PTPRN2: variants seen among roughly 807,000 people sequenced by gnomAD.
PTPRN2 encodes the protein receptor-type tyrosine-protein phosphatase N2.
A neutral mutation model predicts 118.8 loss-of-function variants in PTPRN2; 74 were observed. The ratio of observed to expected loss-of-function variants is 0.62; its 90% CI spans 0.52 to 0.76. PTPRN2 has a LOEUF of 0.76. Ranked by LOEUF, PTPRN2 falls within the 30% of genes least tolerant of loss-of-function variation. The probability of loss-of-function intolerance (pLI) is 0.00; values close to 1 mark genes in which losing one functional copy is unlikely to be tolerated. For synonymous variants in PTPRN2, 641 were observed against 608.0 expected (o/e 1.05, Z -0.80); for missense variants, 1,481 against 1,394.4 (o/e 1.06, Z -0.99).
intron 2 of PTPRN2, among the ~76,000 whole-genome samples, chr7:158,350,841 C>G (rs1458075113): frequency 6.6e-6 from 1 of 152,182 alleles, no homozygotes; most frequent in Admixed American, 6.5e-5. Context: ...AACAAAATGC[C>G]AAAGGCAGAA....
At chr7:158,505,718 G>A (rs1485585276) in intron 1 of PTPRN2, among the ~76,000 whole-genome samples, 9 of 147,510 alleles carry the variant, frequency 6.1e-5, no homozygotes, top group East Asian at 4.1e-4. Flanking sequence ...CGGAGGAGCC[G>A]GGGTGGGAGG....
rs10274336 is a variant in PTPRN2, at chr7:157,726,107, A to G, written c.1789-43170T>C. On this transcript the variant is annotated intron_variant, in intron 12 of 22. Transcript: ENST00000389418. Reference sequence around the variant, plus strand: ...GTGGCCAGACCCTCACCTCCCAGGAAAACTGGATATCCACATGCAGAGGAA... The same window carrying G: ...GTGGCCAGACCCTCACCTCCCAGGAGAACTGGATATCCACATGCAGAGGAA... Among the ~76,000 whole-genome samples the G allele has an allele frequency of 2.5e-3, 120 of 47,430 alleles. 5 individuals are homozygous for G. Among genetic ancestry groups the G allele is most frequent in the African/African-American group, 3.2e-3 (29 of 8,926 alleles). The allele number at this position is 47,430 out of a possible 152,430, so 31.1% of individuals were successfully genotyped here.
intron 2 of PTPRN2, among the ~76,000 whole-genome samples, chr7:158,347,841 T>A (rs954907879): frequency 6.6e-6 from 1 of 152,246 alleles, no homozygotes; most frequent in Non-Finnish European, 1.5e-5. Context: ...TTCCTATCTA[T>A]TGCAGTCACA....
intron 6 of PTPRN2, among the ~76,000 whole-genome samples, chr7:158,150,367 C>A (rs1340401789): frequency 1.3e-5 from 2 of 152,218 alleles, no homozygotes; most frequent in East Asian, 3.8e-4. Flanking sequence ...CAAGGGTGTA[C>A]CCCAGTCTCC....
chr7:158,005,214 A>C (rs1805555280), intron 11 of PTPRN2, among the ~76,000 whole-genome samples: 1 of 151,986 alleles, frequency 6.6e-6, no homozygotes, highest in South Asian at 2.1e-4. Flanking sequence ...AGCTGGGATT[A>C]CAGGCGTGAG....
chr7:158,071,140 C>T (rs868091543), intron 11 of PTPRN2, among the ~76,000 whole-genome samples: 3 of 39,264 alleles, frequency 7.6e-5, no homozygotes, highest in African/African-American at 3.3e-4. Context: ...TGGAGGTGCT[C>T]GTGGTGGTGG....
intron 3 of PTPRN2, among the ~76,000 whole-genome samples, chr7:158,249,197 C>T (rs956336854): frequency 6.6e-6 from 1 of 152,154 alleles, no homozygotes; most frequent in Non-Finnish European, 1.5e-5. Flanking sequence ...ACACACATCA[C>T]ACACATGCAC....
At chr7:158,470,655 A>G (rs1819786145) in intron 2 of PTPRN2, among the ~76,000 whole-genome samples, 1 of 152,188 alleles carries the variant, frequency 6.6e-6, no homozygotes. Context: ...CCTTCTCTCT[A>G]CTGCACTTGA....
At chr7:158,564,040 G>C (rs569987241) in intron 1 of PTPRN2, among the ~76,000 whole-genome samples, 1 of 152,184 alleles carries the variant, frequency 6.6e-6, no homozygotes, top group South Asian at 2.1e-4. Flanking sequence ...ACAAAGAAAG[G>C]GCTAGGGCAG....
At chr7:158,369,590 A>G (rs1248986381) in intron 2 of PTPRN2, among the ~76,000 whole-genome samples, 2 of 152,176 alleles carry the variant, frequency 1.3e-5, no homozygotes, top group Non-Finnish European at 2.9e-5. Flanking sequence ...TCATTCACCA[A>G]TCTGTTTATT....
chr7:157,861,272 G>C lies in PTPRN2; in HGVS notation c.1788+37401C>G, dbSNP rs911975457. Among the ~76,000 whole-genome samples, 1 of 152,238 alleles carries C rather than the reference G, an allele frequency of 6.6e-6. No homozygotes were observed. Among genetic ancestry groups the C allele is most frequent in the African/African-American group, 2.4e-5 (1 of 41,464 alleles). On this transcript the variant is annotated intron_variant, in intron 12 of 22. Coordinates refer to ENST00000389418, the MANE Select transcript of PTPRN2 (RefSeq NM_002847.5). The surrounding 1 kb of genome is among the most constrained non-coding windows in gnomAD (Gnocchi z 5.8). ...GTGAAGTCTATACAATAATGGAACC[G>C]AAGCCCTCTGTGGGGAATCCGTGGG...
intron 11 of PTPRN2, among the ~76,000 whole-genome samples, chr7:157,936,832 G>A (rs937046103): frequency 2.6e-5 from 4 of 152,258 alleles, no homozygotes; most frequent in South Asian, 2.1e-4. Context: ...TTTCAAGTTC[G>A]CAGGGAGTGT....
chr7:157,563,897 C>T (rs1161723852), intron 21 of PTPRN2, among the ~76,000 whole-genome samples: 2 of 151,592 alleles, frequency 1.3e-5, no homozygotes, highest in South Asian at 2.1e-4. Context: ...TGTGCTCCCA[C>T]ATCACCACAC....
chr7:157,605,556 C>A (rs768548663), intron 15 of PTPRN2, among the ~76,000 whole-genome samples: 1 of 152,150 alleles, frequency 6.6e-6, no homozygotes. Flanking sequence ...TCTTGTTCTG[C>A]GACCAGGAAG....
chr7:158,192,353 T>C lies in PTPRN2; in HGVS notation c.523A>G (p.Thr175Ala). ...PASDVLARTH[T>A]AQDRPPAEGD... ...TCAGCGGGGGGTCTGTCCTGCGCCG[T>C]ATGGGTCCTGGCGAGCACGTCTGAG... is the stretch of plus-strand genomic sequence containing the variant. Residue 175 changes from threonine (T) to alanine (A), a missense_variant, in exon 5 of 23, where the codon ACG (threonine) becomes GCG (alanine). Physicochemically the swap from Thr to Ala is moderately conservative, Grantham distance 58 (BLOSUM62 0). Transcript: ENST00000389418. The C allele has an allele frequency of 6.6e-7, 1 of 1,514,364 alleles. No homozygotes were observed. The highest frequency in any genetic ancestry group is 8.7e-7 in the Non-Finnish European group (1 of 1,143,784). The allele number at this position is 1,514,364 out of a possible 1,614,324, so 93.8% of individuals were successfully genotyped here.
At position 158,301,574 on chromosome 7, in the gene PTPRN2, A is replaced by G. The variant is rs143950222; in HGVS notation, c.277+15245T>C. The stretch of plus-strand genomic sequence containing the variant: ...CTTCAACATCATTAGGGAAGCTTCT[A>G]CCACACTTAGTACTGATAAGCAAAG... On this transcript the variant is annotated intron_variant, in intron 3 of 22. Transcript: ENST00000389418. Among the ~76,000 whole-genome samples, 83 of 152,328 alleles carry G rather than the reference A, an allele frequency of 5.4e-4. 1 individual carries two copies. In the East Asian group the frequency reaches 0.013, roughly 23 times the overall value.
intron 12 of PTPRN2, among the ~76,000 whole-genome samples, chr7:157,854,088 C>T (rs28719667): frequency 0.017 from 2,654 of 152,310 alleles, 72 homozygotes; most frequent in African/African-American, 0.06. Context: ...GATGAATCTG[C>T]GGTTTGCGCC....
rs374831408 is a variant in PTPRN2, at chr7:158,134,036, G to A, written c.1197C>T (p.Leu399=). ...YQEVHRLSAT[L]GGLLQDHGSR... is the part of the protein sequence containing the mutation. ...ACCCGTGGTCCTGCAGGAGGCCCCC[G>A]AGTGTGGCACTCAGACGATGGACCT... The change falls in exon 9 of 23, where the codon CTC becomes CTT. Residue 399 remains leucine, a synonymous_variant. Coordinates refer to ENST00000389418, the MANE Select transcript of PTPRN2 (RefSeq NM_002847.5). 5.6e-6 allele frequency: 9 copies of A among 1,613,548 alleles called. No individual in the cohort carries two copies. The highest frequency in any genetic ancestry group is 2.2e-5 in the East Asian group (1 of 44,878).
intron 12 of PTPRN2, among the ~76,000 whole-genome samples, chr7:157,796,069 T>G (rs989679857): frequency 2.0e-5 from 3 of 152,166 alleles, no homozygotes; most frequent in African/African-American, 7.2e-5. Context: ...ACACACGCGT[T>G]CCAGGACGTG....
Sources: allele counts gnomAD v4.1 joint callset (sites outside exome capture counted in the v4.1 genomes callset), GRCh38; gene constraint gnomAD v4.1.1; non-coding constraint Gnocchi (gnomAD v3.1); transcripts MANE v1.5; gene names NCBI Gene and HGNC (gene_info 2026-07-23, HGNC 2026-07-21).